Variants in XIRP2 observed in about 807,000 individuals in gnomAD.
XIRP2 encodes the protein xin actin binding repeat containing 2, also known as xin actin-binding repeat-containing protein 2.
A neutral mutation model predicts 277.0 loss-of-function variants in XIRP2; 236 were observed. The observed-to-expected ratio is 0.85, with a 90% CI of 0.77 to 0.95. XIRP2 has a LOEUF of 0.95. XIRP2 is among the 40% of genes least tolerant of loss of function. The pLI, the probability that XIRP2 is intolerant of heterozygous loss-of-function variation, is 0.00. For missense variants in XIRP2, 4,640 were observed against 4,157.5 expected, an observed-to-expected ratio of 1.12 and a Z score of -3.19; for synonymous variants, 1,490 against 1,416.5, an observed-to-expected ratio of 1.05 and a Z score of -1.17.
intron 2 of XIRP2, among the ~76,000 whole-genome samples, chr2:166,923,290 A>C (rs1431813988): frequency 1.3e-5 from 2 of 152,122 alleles, no homozygotes; most frequent in Non-Finnish European, 2.9e-5. Flanking sequence ...TTCTCACTGG[A>C]ATTATTTGGT....
intron 2 of XIRP2, among the ~76,000 whole-genome samples, chr2:167,090,517 G>C (rs1234301519): frequency 6.6e-6 from 1 of 151,890 alleles, no homozygotes; most frequent in East Asian, 1.9e-4. Context: ...TATTTTACTT[G>C]CAAGTTGGTA....
At chr2:166,899,237 G>T (rs1684317323) in intron 1 of XIRP2, among the ~76,000 whole-genome samples, 1 of 151,874 alleles carries the variant, frequency 6.6e-6, no homozygotes, top group South Asian at 2.1e-4. Context: ...ACAGTCTATT[G>T]GTATTAGCAT....
At chr2:167,014,536 C>T (rs1303983359) in intron 2 of XIRP2, among the ~76,000 whole-genome samples, 1 of 151,162 alleles carries the variant, frequency 6.6e-6, no homozygotes, top group Non-Finnish European at 1.5e-5. Flanking sequence ...AGAAATCTTT[C>T]AGAGCAAAGA....
intron 2 of XIRP2, among the ~76,000 whole-genome samples, chr2:167,115,826 T>C (rs1056502042): frequency 1.3e-5 from 2 of 152,186 alleles, no homozygotes; most frequent in Non-Finnish European, 2.9e-5. Context: ...AACTACTGGG[T>C]TGGAAGCTCT....
chr2:167,049,481 T>C (rs916775204), intron 2 of XIRP2, among the ~76,000 whole-genome samples: 5 of 151,622 alleles, frequency 3.3e-5, no homozygotes, highest in African/African-American at 1.2e-4. Context: ...CACAGATCTA[T>C]ATTTACAAAT....
chr2:167,170,277 C>T (rs2105348289), intron 3 of XIRP2, among the ~76,000 whole-genome samples: 1 of 151,892 alleles, frequency 6.6e-6, no homozygotes, highest in East Asian at 1.9e-4. Flanking sequence ...TCTTTTAATT[C>T]CCTTGCCTGA....
chr2:166,899,709 T>A (rs1292307805), intron 1 of XIRP2, among the ~76,000 whole-genome samples: 2 of 152,166 alleles, frequency 1.3e-5, no homozygotes, highest in Non-Finnish European at 2.9e-5. Flanking sequence ...CTGGTCTTCA[T>A]GGTTTCTGAT....
intron 2 of XIRP2, among the ~76,000 whole-genome samples, chr2:167,084,239 A>G (rs1689847831): frequency 6.6e-6 from 1 of 152,164 alleles, no homozygotes; most frequent in Non-Finnish European, 1.5e-5. Flanking sequence ...ATGCTGGATT[A>G]CATTTATTGA....
chr2:167,137,156 G>A (rs539031306), intron 3 of XIRP2, among the ~76,000 whole-genome samples: 7 of 152,172 alleles, frequency 4.6e-5, no homozygotes, highest in South Asian at 2.1e-4. Context: ...TTCTGATTCC[G>A]TTTGGTTTAA....
chr2:166,910,170 T>C (rs1313558156), intron 2 of XIRP2, among the ~76,000 whole-genome samples: 1 of 152,210 alleles, frequency 6.6e-6, no homozygotes, highest in Admixed American at 6.5e-5. Flanking sequence ...TTGATTGGAA[T>C]AGTTTCAGAA....
intron 3 of XIRP2, among the ~76,000 whole-genome samples, chr2:167,161,229 C>T (rs1252220473): frequency 6.6e-6 from 1 of 152,204 alleles, no homozygotes; most frequent in Non-Finnish European, 1.5e-5. Flanking sequence ...ACAATGCAAG[C>T]TGTCAGTGGA....
intron 3 of XIRP2, among the ~76,000 whole-genome samples, chr2:167,175,165 A>G (rs550875158): frequency 6.6e-6 from 1 of 152,212 alleles, no homozygotes; most frequent in East Asian, 1.9e-4. Flanking sequence ...TGATCTGTCT[A>G]CTATTGACAG....
chr2:167,258,471 C>A lies in XIRP2; in HGVS notation c.*654C>A, dbSNP rs373355602. The A allele has an allele frequency of 6.2e-7, 1 of 1,612,820 alleles. No homozygotes were observed. Reference sequence around the variant, plus strand: ...GGAAGGAAGAATGTGCAAGATAGGCCGAGTGAAGCTGAAGACACAAAGAGT... The same window carrying A: ...GGAAGGAAGAATGTGCAAGATAGGCAGAGTGAAGCTGAAGACACAAAGAGT... On this transcript the variant is annotated 3_prime_UTR_variant, in exon 11 of 11. Transcript: ENST00000409195.
At chr2:166,892,924 ATATATGTG>A (rs1684142510) in intron 1 of XIRP2, among the ~76,000 whole-genome samples, 3 of 144,830 alleles carry the variant, frequency 2.1e-5, no homozygotes, top group East Asian at 3.9e-4. Context: ...GTATATATGT[ATATATGTG>A]TATATGTGTA....
intron 1 of XIRP2, among the ~76,000 whole-genome samples, chr2:166,894,584 T>A (rs1053335537): frequency 5.3e-5 from 8 of 152,192 alleles, no homozygotes; most frequent in African/African-American, 1.9e-4. Flanking sequence ...TTGCTCCAAG[T>A]ATTAATTCTA....
intron 4 of XIRP2, among the ~76,000 whole-genome samples, chr2:167,214,139 AAAG>A (rs1559023929): frequency 5.3e-5 from 6 of 113,542 alleles, no homozygotes; most frequent in South Asian, 3.0e-4. Context: ...GGAAGGAAGC[AAAG>A]AGAAAGAGAA....
chr2:167,036,535 T>C (rs962910811), intron 2 of XIRP2, among the ~76,000 whole-genome samples: 1 of 152,182 alleles, frequency 6.6e-6, no homozygotes, highest in African/African-American at 2.4e-5. Context: ...ACCCCCATTG[T>C]ATCTAGGGAG....
intron 3 of XIRP2, 44 bp downstream of exon 3, chr2:167,136,106 T>C: frequency 1.3e-6 from 2 of 1,512,316 alleles, no homozygotes; most frequent in Non-Finnish European, 1.8e-6. Context: ...TCATACCTTG[T>C]ACAACATGAG....
chr2:167,027,042 T>C (rs1688181988), intron 2 of XIRP2, among the ~76,000 whole-genome samples: 1 of 152,232 alleles, frequency 6.6e-6, no homozygotes, highest in South Asian at 2.1e-4. Flanking sequence ...TGAATGTGAA[T>C]GTTGGCCTGC....
Sources: gnomAD v4.1 joint callset for allele counts (sites outside exome capture counted in the v4.1 genomes callset) on GRCh38, gnomAD v4.1.1 for gene constraint, MANE v1.5 for transcripts, NCBI Gene and HGNC (gene_info 2026-07-23, HGNC 2026-07-21) for gene names.